Variants in ABI2 observed in about 807,000 individuals in gnomAD.
The protein encoded by ABI2 is abelson interactor 2.
Under a neutral mutation model 59.2 loss-of-function variants are expected in ABI2, and 25 were observed. The ratio of observed to expected loss-of-function variants is 0.42; its 90% CI spans 0.31 to 0.59. The LOEUF (loss-of-function observed/expected upper bound fraction) is 0.59, where lower values mean the gene tolerates loss of function less well. ABI2 is among the 20% of genes least tolerant of loss of function. ABI2 has a pLI of 0.14. For synonymous variants in ABI2, 213 were observed against 235.5 expected, an observed-to-expected ratio of 0.90 and a Z score of 0.87; for missense variants, 545 against 681.8, an observed-to-expected ratio of 0.80 and a Z score of 2.23.
At chr2:203,344,410 G>T (rs911087120) in intron 1 of ABI2, among the ~76,000 whole-genome samples, 1 of 151,756 alleles carries the variant, frequency 6.6e-6, no homozygotes, top group Non-Finnish European at 1.5e-5. Flanking sequence ...CTATTGCCCA[G>T]GTTGGAGTGC....
Position 203,411,294 on chromosome 2 carries a change from C to T in ABI2, c.1202C>T (p.Ala401Val). ...TTTTTTGTTTTTGCAGTATCTCTTG[C>T]TCCTCCTCCTCCCTCCATCCTACAG... ...PFYSQNPVSL[A>V]PPPPSILQVT... The change falls in exon 10 of 12, where the codon GCT (alanine) becomes GTT (valine). Residue 401 changes from alanine to valine, a missense_variant. By Grantham distance (64) the Ala-to-Val change is moderately conservative. This residue lies in a region of ABI2 where 410 missense variants were observed against 435.6 expected (regional missense o/e 0.94). Transcript: ENST00000261018. 1 of 1,611,952 alleles carries T rather than the reference C, an allele frequency of 6.2e-7. No homozygotes were observed. The highest frequency in any genetic ancestry group is 8.5e-7 in the Non-Finnish European group (1 of 1,178,260).
At chr2:203,372,901 G>T (rs553065103) in intron 2 of ABI2, among the ~76,000 whole-genome samples, 8 of 152,024 alleles carry the variant, frequency 5.3e-5, no homozygotes, top group Non-Finnish European at 2.9e-5. Flanking sequence ...CATCTCAGGC[G>T]ATGGGCGGCT....
chr2:203,381,193 AAAG>A (rs1298697704), intron 3 of ABI2, among the ~76,000 whole-genome samples: 14 of 152,334 alleles, frequency 9.2e-5, no homozygotes, highest in African/African-American at 3.4e-4. Context: ...ATCTAGGTAA[AAAG>A]AAAATATACA....
At position 203,428,764 on chromosome 2, in the gene ABI2, T is replaced by A. The variant is rs932979330; in HGVS notation, c.*1412T>A. The A allele has an allele frequency of 6.6e-6, 1 of 152,274 alleles. No individual in the cohort carries two copies. Among genetic ancestry groups the A allele is most frequent in the African/African-American group, 2.4e-5 (1 of 41,446 alleles). 9.4% of individuals were successfully genotyped at this position (152,274 alleles called of 1,614,324 possible). A position where few individuals can be genotyped will look rare whatever the true frequency, so the allele number is the denominator to read the frequency against. The stretch of plus-strand genomic sequence containing the variant: ...CTCTTTGTGGGTGGTCACTGTGATG[T>A]TGGGCCAGCTCCTGTTCAGGTCCAG... On this transcript the variant is annotated 3_prime_UTR_variant, in exon 12 of 12. Coordinates refer to ENST00000261018, the MANE Select transcript of ABI2 (RefSeq NM_001375670.1).
At chr2:203,419,339 C>T (rs2098082645) in intron 11 of ABI2, among the ~76,000 whole-genome samples, 1 of 151,418 alleles carries the variant, frequency 6.6e-6, no homozygotes. Context: ...ACCTCATGAT[C>T]CGCCCGCCTA....
At chr2:203,374,648 CTG>C (rs1313122420) in intron 2 of ABI2, among the ~76,000 whole-genome samples, 3 of 151,490 alleles carry the variant, frequency 2.0e-5, no homozygotes, top group Non-Finnish European at 2.9e-5. Context: ...TATAAAAAAA[CTG>C]AAAATTACTC....
At chr2:203,401,103 C>G (rs2097200506) in intron 8 of ABI2, among the ~76,000 whole-genome samples, 1 of 151,926 alleles carries the variant, frequency 6.6e-6, no homozygotes, top group Non-Finnish European at 1.5e-5. Flanking sequence ...CCCCCCTCCT[C>G]TACTCTCCCC....
chr2:203,411,375 A>G lies in ABI2; in HGVS notation c.1279+4A>G. The G allele has an allele frequency of 6.2e-7, 1 of 1,606,694 alleles. No individual in the cohort carries two copies. The highest frequency in any genetic ancestry group is 8.5e-7 in the Non-Finnish European group (1 of 1,173,406). ...GTGGCCAGAGTCCAAGAAAATAGTA[A>G]GTTTATGTCTTCTTTATGCTGTAGA... On this transcript the variant is annotated splice_donor_region_variant and intron_variant, in intron 10 of 11. Transcript: ENST00000261018.
intron 11 of ABI2, among the ~76,000 whole-genome samples, chr2:203,419,765 G>T (rs967989676): frequency 6.6e-6 from 1 of 151,964 alleles, no homozygotes; most frequent in Non-Finnish European, 1.5e-5. Flanking sequence ...GAGGCGGGCC[G>T]AACACCTGAG....
chr2:203,381,764 T>C (rs575852478), intron 3 of ABI2, among the ~76,000 whole-genome samples: 1 of 152,302 alleles, frequency 6.6e-6, no homozygotes, highest in Admixed American at 6.5e-5. Flanking sequence ...ACTTAGAATA[T>C]AAAAGATGAC....
intron 1 of ABI2, among the ~76,000 whole-genome samples, chr2:203,361,553 CTT>C (rs1225303834): frequency 1.3e-5 from 2 of 152,004 alleles, no homozygotes; most frequent in African/African-American, 2.4e-5. Context: ...TGAATTTTCT[CTT>C]TTTGTAGGAG....
intron 1 of ABI2, among the ~76,000 whole-genome samples, chr2:203,349,067 G>A (rs1269460722): frequency 6.6e-6 from 1 of 151,818 alleles, no homozygotes; most frequent in Non-Finnish European, 1.5e-5. Context: ...TGAGTAGCTG[G>A]GATTAGAGGC....
chr2:203,370,831 T>A (rs992278179), intron 2 of ABI2, among the ~76,000 whole-genome samples: 1 of 152,208 alleles, frequency 6.6e-6, no homozygotes, highest in African/African-American at 2.4e-5. Flanking sequence ...TCAAGAGTTG[T>A]AAGGGTAGAG....
chr2:203,388,284 C>G (rs963382951), intron 4 of ABI2, among the ~76,000 whole-genome samples: 52 of 152,290 alleles, frequency 3.4e-4, no homozygotes, highest in African/African-American at 1.1e-3. Flanking sequence ...TCTACAGAGA[C>G]TCTTGTTTCT....
chr2:203,335,765 G>A (rs1018141062), intron 1 of ABI2, among the ~76,000 whole-genome samples: 24 of 152,030 alleles, frequency 1.6e-4, no homozygotes, highest in Admixed American at 1.5e-3. Flanking sequence ...TAACAGCTTT[G>A]TTTTGAATCA....
At chr2:203,331,229 G>C (rs2073125777) in intron 1 of ABI2, among the ~76,000 whole-genome samples, 1 of 151,708 alleles carries the variant, frequency 6.6e-6, no homozygotes, top group Admixed American at 6.6e-5. Flanking sequence ...CGTGGTGACA[G>C]TGGATTTGTG....
In ABI2 at chr2:203,395,735, G is replaced by A; in HGVS notation, c.805G>A (p.Val269Ile). The A allele has an allele frequency of 6.2e-7, 1 of 1,611,024 alleles. No individual in the cohort carries two copies. The highest frequency in any genetic ancestry group is 1.1e-5 in the South Asian group (1 of 90,474). The change falls in exon 7 of 12, where the codon GTT (valine) becomes ATT (isoleucine). Residue 269 changes from valine (V) to isoleucine (I), a missense_variant. Val to Ile is a conservative substitution (Grantham distance 29, BLOSUM62 3). This residue lies in a region of ABI2 where 410 missense variants were observed against 435.6 expected (regional missense o/e 0.94). Transcript: ENST00000261018. Reference protein sequence around the residue: ...RENSGSGSVGVPIAVPTPSPP... With the variant: ...RENSGSGSVGIPIAVPTPSPP... ...GAACAGTGGAAGTGGTAGTGTGGGGGTTCCTATTGCTGTTCCTACTCCATC... is the reference window on the plus strand; with the variant it reads ...GAACAGTGGAAGTGGTAGTGTGGGGATTCCTATTGCTGTTCCTACTCCATC...
At chr2:203,333,503 GA>G (rs2074961642) in intron 1 of ABI2, among the ~76,000 whole-genome samples, 1 of 152,154 alleles carries the variant, frequency 6.6e-6, no homozygotes, top group Non-Finnish European at 1.5e-5. Flanking sequence ...GAATGAAGGA[GA>G]AAGAGGTCAG....
At chr2:203,398,112 G>C (rs901655855) in intron 8 of ABI2, among the ~76,000 whole-genome samples, 1 of 152,190 alleles carries the variant, frequency 6.6e-6, no homozygotes, top group African/African-American at 2.4e-5. Context: ...ACATATATAA[G>C]ATCTTTACAT....
Sources: gnomAD v4.1 joint callset for allele counts (sites outside exome capture counted in the v4.1 genomes callset) on GRCh38, gnomAD v4.1.1 for gene constraint, gnomAD v4.1.1 regional missense constraint, MANE v1.5 for transcripts, NCBI Gene and HGNC (gene_info 2026-07-23, HGNC 2026-07-21) for gene names.